The following CCKBR variants were observed in gnomAD, a reference collection of about 807,000 sequenced individuals.
The protein encoded by CCKBR is cholecystokinin B receptor, also known as gastrin/cholecystokinin type B receptor.
A neutral mutation model predicts 34.6 loss-of-function variants in CCKBR; 33 were observed. The observed-to-expected ratio is 0.95, with a 90% confidence interval of 0.72 to 1.27. The LOEUF (loss-of-function observed/expected upper bound fraction) is 1.27, where lower values mean the gene tolerates loss of function less well. Ranked by LOEUF, CCKBR falls within the 50% of genes most tolerant of loss-of-function variation. The probability of loss-of-function intolerance (pLI) is 0.00; values close to 1 mark genes in which losing one functional copy is unlikely to be tolerated. For synonymous variants in CCKBR, 269 were observed against 267.5 expected (o/e 1.01, Z -0.06); for missense variants, 652 against 617.4 (o/e 1.06, Z -0.59).
At position 6,259,975 on chromosome 11, in the gene CCKBR, G is replaced by C. The variant is rs762737826; in HGVS notation, c.47G>C (p.Gly16Ala). ...LNRSVQGTGP[G>A]PGASLCRPGA... ...CGGAGCGTGCAGGGAACCGGACCCG[G>C]GCCGGGGGCTTCCCTGTGCCGCCCG... The change falls in exon 1 of 5, where the codon GGG (glycine) becomes GCG (alanine). Residue 16 changes from glycine (G) to alanine (A), a missense_variant. Transcript: ENST00000334619. 5.8e-6 allele frequency: 9 copies of C among 1,560,870 alleles called. No individual in the cohort carries two copies. The highest frequency in any genetic ancestry group is 7.8e-6 in the Non-Finnish European group (9 of 1,157,392).
rs1291152248 is a variant in CCKBR at position 6,269,795 on chromosome 11, T to C, written c.278T>C (p.Leu93Pro). ...CTGAGGACTGTCACCAATGCCTTCCTCCTCTCACTGGCAGTCAGCGACCTC... is the reference window on the plus strand; with the variant it reads ...CTGAGGACTGTCACCAATGCCTTCCCCCTCTCACTGGCAGTCAGCGACCTC... ...RRLRTVTNAF[L>P]LSLAVSDLLL... The change falls in exon 2 of 5, where the codon CTC (leucine) becomes CCC (proline). Residue 93 changes from leucine (L) to proline (P), a missense_variant. Leu to Pro is a moderately conservative substitution (Grantham distance 98). Transcript: ENST00000334619. The C allele has an allele frequency of 6.2e-7, 1 of 1,614,042 alleles. No individual in the cohort carries two copies. The highest frequency in any genetic ancestry group is 1.3e-5 in the African/African-American group (1 of 74,918).
Position 6,271,617 on chromosome 11 carries a change from A to C in CCKBR, c.*74A>C. ...ACCCTTCCAGACATACGAAACACAA[A>C]CCACAACTGACACAGGAAACCAACA... On this transcript the variant is annotated 3_prime_UTR_variant, in exon 5 of 5. Transcript: ENST00000334619. The C allele has an allele frequency of 7.2e-7, 1 of 1,388,296 alleles. No individual in the cohort carries two copies. Among genetic ancestry groups the C allele is most frequent in the Non-Finnish European group, 9.6e-7 (1 of 1,037,652 alleles). 86.0% of individuals were successfully genotyped at this position (1,388,296 alleles called of 1,614,324 possible). A position where few individuals can be genotyped will look rare whatever the true frequency, so the allele number is the denominator to read the frequency against.
chr11:6,270,259 A>T lies in CCKBR; in HGVS notation c.575A>T (p.Tyr192Phe), dbSNP rs1225115220. Residue 192 changes from tyrosine to phenylalanine, a missense_variant, in exon 3 of 5, where the codon TAC becomes TTC. Transcript: ENST00000334619. Reference protein sequence around the residue: ...SGLLMVPYPVYTVVQPVGPRV... With the variant: ...SGLLMVPYPVFTVVQPVGPRV... ...CTACTCATGGTGCCCTACCCCGTGT[A>T]CACTGTCGTGCAACCAGTGGGGCCT... The T allele has an allele frequency of 6.2e-7, 1 of 1,613,302 alleles. No homozygotes were observed. Among genetic ancestry groups the T allele is most frequent in the South Asian group, 1.1e-5 (1 of 91,082 alleles).
At chr11:6,261,924 A>T (rs750985229) in intron 1 of CCKBR, among the ~76,000 whole-genome samples, 2 of 152,160 alleles carry the variant, frequency 1.3e-5, no homozygotes, top group Non-Finnish European at 2.9e-5. Flanking sequence ...AGATGGAGAG[A>T]GGTGGATAGA....
chr11:6,271,430 C>A lies in CCKBR; in HGVS notation c.1231C>A (p.Arg411=), dbSNP rs773055083. Residue 411 remains arginine, a synonymous_variant, in exon 5 of 5, where the codon CGG becomes AGG. Coordinates refer to ENST00000334619, the MANE Select transcript of CCKBR (RefSeq NM_176875.4). ...CLETCARCCP[R]PPRARPRALP... Reference sequence around the variant, plus strand: ...GGAAACTTGCGCTCGCTGCTGCCCCCGGCCTCCACGAGCTCGCCCCAGGGC... The same window carrying A: ...GGAAACTTGCGCTCGCTGCTGCCCCAGGCCTCCACGAGCTCGCCCCAGGGC... 3 of 1,613,584 alleles carry A rather than the reference C, an allele frequency of 1.9e-6. No individual in the cohort carries two copies. The highest frequency in any genetic ancestry group is 4.5e-5 in the East Asian group (2 of 44,872).
chr11:6,269,689 A>G lies in CCKBR; in HGVS notation c.172A>G (p.Ile58Val). The change falls in exon 2 of 5, where the codon ATC becomes GTC. Residue 58 changes from isoleucine (I) to valine (V), a missense_variant. Physicochemically the swap from Ile to Val is conservative, Grantham distance 29. Coordinates refer to ENST00000334619, the MANE Select transcript of CCKBR (RefSeq NM_176875.4). ...GTRELELAIR[I>V]TLYAVIFLMS... Reference sequence around the variant, plus strand: ...CCCAGAATTGGAGCTGGCCATTAGAATCACTCTTTACGCAGTGATCTTCCT... The same window carrying G: ...CCCAGAATTGGAGCTGGCCATTAGAGTCACTCTTTACGCAGTGATCTTCCT... 1.2e-6 allele frequency: 2 copies of G among 1,613,918 alleles called. No homozygotes were observed. Among genetic ancestry groups the G allele is most frequent in the Non-Finnish European group, 1.7e-6 (2 of 1,180,016 alleles).
chr11:6,260,013 C>A lies in CCKBR; in HGVS notation c.85C>A (p.Leu29Ile). ...CCTGTGCCGCCCGGGGGCGCCTCTC[C>A]TCAACAGCAGCAGTGTGGGCAACCT... is the stretch of plus-strand genomic sequence containing the variant. ...ASLCRPGAPL[L>I]NSSSVGNLSC... The change falls in exon 1 of 5, where the codon CTC (leucine) becomes ATC (isoleucine). Residue 29 changes from leucine to isoleucine, a missense_variant. By Grantham distance (5) the Leu-to-Ile change is conservative. Transcript: ENST00000334619. 1 of 1,592,746 alleles carries A rather than the reference C, an allele frequency of 6.3e-7. No homozygotes were observed.
intron 1 of CCKBR, among the ~76,000 whole-genome samples, chr11:6,266,780 C>A (rs1043246933): frequency 6.6e-6 from 1 of 152,112 alleles, no homozygotes; most frequent in Non-Finnish European, 1.5e-5. Flanking sequence ...GATGGGGATA[C>A]CTTCTGAGAA....
chr11:6,267,262 C>A (rs1848223358), intron 1 of CCKBR, among the ~76,000 whole-genome samples: 1 of 152,024 alleles, frequency 6.6e-6, no homozygotes, highest in South Asian at 2.1e-4. Flanking sequence ...TGTAATAACA[C>A]AGTGTAAAAC....
intron 1 of CCKBR, chr11:6,264,368 T>G (rs954677328): frequency 6.1e-5 from 35 of 573,712 alleles, no homozygotes; most frequent in Non-Finnish European, 1.0e-4. Flanking sequence ...ATTTAAGGCA[T>G]CAGCAGCTTC....
Position 6,269,883 on chromosome 11 carries a change from T to C in CCKBR, c.366T>C (p.Phe122=). The part of the protein sequence containing the change: ...LLPNLMGTFI[F]GTVICKAVSY... Reference sequence around the variant, plus strand: ...CCAATCTCATGGGCACATTCATCTTTGGCACCGTCATCTGCAAGGCGGTTT... The same window carrying C: ...CCAATCTCATGGGCACATTCATCTTCGGCACCGTCATCTGCAAGGCGGTTT... The change falls in exon 2 of 5, where the codon TTT becomes TTC. Residue 122 remains phenylalanine (F), a synonymous_variant. Transcript: ENST00000334619. 6.2e-7 allele frequency: 1 copy of C among 1,614,130 alleles called. No homozygotes were observed. The highest frequency in any genetic ancestry group is 8.5e-7 in the Non-Finnish European group (1 of 1,180,022).
At position 6,260,003 on chromosome 11, in the gene CCKBR, G is replaced by A. The variant is rs1848104120; in HGVS notation, c.75G>A (p.Gly25=). The change falls in exon 1 of 5, where the codon GGG becomes GGA. Residue 25 remains glycine (G), a synonymous_variant. Coordinates refer to ENST00000334619, the MANE Select transcript of CCKBR (RefSeq NM_176875.4). ...PGPGASLCRP[G]APLLNSSSVG... is the part of the protein sequence containing the mutation. ...CGGGGGCTTCCCTGTGCCGCCCGGG[G>A]GCGCCTCTCCTCAACAGCAGCAGTG... 1 of 1,588,408 alleles carries A rather than the reference G, an allele frequency of 6.3e-7. No homozygotes were observed. Among genetic ancestry groups the A allele is most frequent in the Non-Finnish European group, 8.6e-7 (1 of 1,169,294 alleles).
At chr11:6,262,686 A>AAGAGAGAGAGAGAGAGAGAGAGAG (rs57265861) in intron 1 of CCKBR, among the ~76,000 whole-genome samples, 5 of 119,298 alleles carry the variant, frequency 4.2e-5, no homozygotes, top group Non-Finnish European at 5.3e-5. Context: ...TAGGCAAAGA[A>AAGAGAGAGAGAGAGAGAGAGAGAG]AGAGAGAGAG....
chr11:6,270,948 G>C, intron 4 of CCKBR, 63 bp from the exon 5 acceptor site: 1 of 1,612,776 alleles, frequency 6.2e-7, no homozygotes, highest in East Asian at 2.2e-5. Context: ...AGGTCAGGTG[G>C]GGACTGGGCT....
At chr11:6,268,052 C>T (rs1848234852) in intron 1 of CCKBR, among the ~76,000 whole-genome samples, 1 of 152,158 alleles carries the variant, frequency 6.6e-6, no homozygotes, top group South Asian at 2.1e-4. Context: ...CTATGTTGCT[C>T]AGGCTGATCT....
chr11:6,269,557 G>A, intron 1 of CCKBR, 112 bp from the exon 2 acceptor site: 1 of 1,223,194 alleles, frequency 8.2e-7, no homozygotes, highest in South Asian at 1.4e-5. Context: ...TTCATCGGTG[G>A]GGAATGTAGG....
chr11:6,270,925 G>C (rs1479490363), intron 4 of CCKBR, 86 bp from the exon 5 acceptor site: 2 of 1,612,014 alleles, frequency 1.2e-6, no homozygotes, highest in African/African-American at 1.3e-5. Context: ...AAATGGAGTT[G>C]AGCTGGGAGC....
Position 6,271,041 on chromosome 11 carries a change from C to T in CCKBR, c.842C>T (p.Pro281Leu). 1 of 1,614,212 alleles carries T rather than the reference C, an allele frequency of 6.2e-7. No homozygotes were observed. ...GTTCACCAGAACGGGCGTTGCCGGC[C>T]TGAGACTGGCGCGGTTGGCGAAGAC... ...GAVHQNGRCR[P>L]ETGAVGEDSD... Residue 281 changes from proline to leucine, a missense_variant, in exon 5 of 5, where the codon CCT (proline) becomes CTT (leucine). By Grantham distance (98) the Pro-to-Leu change is moderately conservative. Transcript: ENST00000334619.
Position 6,260,076 on chromosome 11 carries a change from C to T in CCKBR, c.148C>T (p.Arg50Ter). The T allele has an allele frequency of 6.3e-7, 1 of 1,591,522 alleles. No homozygotes were observed. The highest frequency in any genetic ancestry group is 8.5e-7 in the Non-Finnish European group (1 of 1,172,534). Residue 50 changes from arginine to a stop codon, truncating the protein, a stop_gained, in exon 1 of 5, where the codon CGA (arginine) becomes TGA (stop). Transcript: ENST00000334619. LOFTEE classifies it high-confidence loss of function. ...EPPRIRGAGT[R>*]ELELAIRITL... The stretch of plus-strand genomic sequence containing the variant: ...CCCTCGCATTCGCGGAGCCGGGACA[C>T]GAGGTGGGTGCCTCCCTCAGCCCCC...
Sources: gnomAD v4.1 joint callset for allele counts (sites outside exome capture counted in the v4.1 genomes callset) on GRCh38, gnomAD v4.1.1 for gene constraint, MANE v1.5 for transcripts, NCBI Gene and HGNC (gene_info 2026-07-23, HGNC 2026-07-21) for gene names.